The following IL1RAPL1 variants were observed in gnomAD, a reference collection of about 807,000 sequenced individuals.
The protein encoded by IL1RAPL1 is interleukin-1 receptor accessory protein-like 1.
In IL1RAPL1, 3 loss-of-function variants were observed where a neutral mutation model predicts 48.4. The ratio of observed to expected loss-of-function variants is 0.06; its 90% CI spans 0.03 to 0.16. IL1RAPL1 has a LOEUF of 0.16. Ranked by LOEUF, IL1RAPL1 falls within the 10% of genes least tolerant of loss-of-function variation. The pLI, the probability that IL1RAPL1 is intolerant of heterozygous loss-of-function variation, is 1.00. For synonymous variants in IL1RAPL1, 185 were observed against 187.7 expected, an observed-to-expected ratio of 0.99 and a Z score of 0.12; for missense variants, 349 against 530.6, an observed-to-expected ratio of 0.66 and a Z score of 3.36.
At chrX:29,063,290 C>T (rs1393610363) in intron 2 of IL1RAPL1, among the ~76,000 whole-genome samples, 1 of 111,504 alleles carries the variant, frequency 9.0e-6, no homozygotes, top group Non-Finnish European at 1.9e-5. Flanking sequence ...GAAGATTCAT[C>T]TACCTATTAG....
At chrX:29,269,459 C>G (rs1182813272) in intron 2 of IL1RAPL1, among the ~76,000 whole-genome samples, 3 of 111,044 alleles carry the variant, frequency 2.7e-5, no homozygotes, top group African/African-American at 6.5e-5. Flanking sequence ...AAGCTGCACT[C>G]TCAAAGATAG....
chrX:29,633,468 TACACAC>T (rs200222696), intron 5 of IL1RAPL1, among the ~76,000 whole-genome samples: 78 of 97,747 alleles, frequency 8.0e-4, no homozygotes, highest in Admixed American at 2.6e-3. Context: ...GATATATATA[TACACAC>T]ACACACACAC....
chrX:29,037,465 A>T (rs1926753703), intron 2 of IL1RAPL1, among the ~76,000 whole-genome samples: 1 of 111,547 alleles, frequency 9.0e-6, no homozygotes, highest in African/African-American at 3.3e-5. Context: ...CCATACTAAA[A>T]ATGGAATTAT....
chrX:29,624,694 A>C (rs559050815), intron 5 of IL1RAPL1, among the ~76,000 whole-genome samples: 2 of 109,723 alleles, frequency 1.8e-5, no homozygotes, highest in African/African-American at 3.3e-5. Context: ...AAAAAAAAAA[A>C]ATTAGCTGGG....
rs994938070 is a variant in IL1RAPL1, at chrX:29,509,783, G to A, written c.703+110475G>A. ...ATTTGAATGCATGTATTAATATTGC[G>A]GAGATTGACCAGCGTTTTCATTAAT... is the stretch of plus-strand genomic sequence containing the variant. On this transcript the variant is annotated intron_variant, in intron 5 of 10. Transcript: ENST00000378993. 3.6e-5 allele frequency among the ~76,000 whole-genome samples: 4 copies of A among 112,109 alleles called. No individual in the cohort carries two copies. The South Asian group carries it at 1.1e-3, about 31-fold the overall frequency.
At chrX:28,728,615 C>T (rs1601876825) in intron 1 of IL1RAPL1, among the ~76,000 whole-genome samples, 2 of 111,958 alleles carry the variant, frequency 1.8e-5, no homozygotes, top group East Asian at 2.8e-4. Context: ...CCTCAAAGCA[C>T]ATAAAGGAGA....
chrX:29,030,755 T>G (rs1366883422), intron 2 of IL1RAPL1, among the ~76,000 whole-genome samples: 1 of 111,179 alleles, frequency 9.0e-6, no homozygotes, highest in Non-Finnish European at 1.9e-5. Context: ...AATACTCCTA[T>G]TTGAAGAGTG....
At chrX:29,721,463 G>A (rs929521643) in intron 6 of IL1RAPL1, among the ~76,000 whole-genome samples, 14 of 110,869 alleles carry the variant, frequency 1.3e-4, no homozygotes, top group Admixed American at 1.2e-3. Context: ...AATCATTGTT[G>A]AGTATTTTCT....
At chrX:28,956,123 C>G (rs981773201) in intron 2 of IL1RAPL1, among the ~76,000 whole-genome samples, 1 of 107,785 alleles carries the variant, frequency 9.3e-6, no homozygotes, top group African/African-American at 3.4e-5. Flanking sequence ...TATCCTGAGA[C>G]TTTGCTGAAG....
chrX:29,920,230 G>A, intron 8 of IL1RAPL1, 136 bp downstream of exon 8: 8 of 768,163 alleles, frequency 1.0e-5, no homozygotes, highest in Non-Finnish European at 1.5e-5. Flanking sequence ...ATTTGCATTA[G>A]AGCCACCGAG....
intron 1 of IL1RAPL1, among the ~76,000 whole-genome samples, chrX:28,602,210 C>A (rs192855820): frequency 9.0e-6 from 1 of 111,030 alleles, no homozygotes; most frequent in Non-Finnish European, 1.9e-5. Context: ...TGTGTATGGA[C>A]CTATATATTT....
chrX:29,500,529 A>G (rs189181717), intron 5 of IL1RAPL1, among the ~76,000 whole-genome samples: 1 of 111,540 alleles, frequency 9.0e-6, no homozygotes, highest in Admixed American at 9.6e-5. Flanking sequence ...TGTGATATTT[A>G]TCTTTCTGTG....
intron 2 of IL1RAPL1, among the ~76,000 whole-genome samples, chrX:28,985,699 G>A (rs1458022982): frequency 1.2e-4 from 11 of 90,585 alleles, no homozygotes; most frequent in African/African-American, 4.4e-4. Context: ...TCGCTCTGTC[G>A]CCCAGGCTGG....
intron 3 of IL1RAPL1, among the ~76,000 whole-genome samples, chrX:29,343,898 C>G (rs188700168): frequency 2.7e-4 from 30 of 111,744 alleles, no homozygotes; most frequent in African/African-American, 8.8e-4. Context: ...CACATACACA[C>G]ACACCACACA....
At chrX:28,971,888 G>GTGTGTGTGTA (rs1555948239) in intron 2 of IL1RAPL1, among the ~76,000 whole-genome samples, 202 of 105,763 alleles carry the variant, frequency 1.9e-3, no homozygotes, top group African/African-American at 6.8e-3. Context: ...GTGTGTGTGT[G>GTGTGTGTGTA]TGTGTGTGTG....
At chrX:28,805,908 A>G (rs778337635) in intron 2 of IL1RAPL1, among the ~76,000 whole-genome samples, 136 of 110,226 alleles carry the variant, frequency 1.2e-3, no homozygotes, top group African/African-American at 4.4e-3. Context: ...TAAAAGAGTC[A>G]TTGCATAATC....
intron 2 of IL1RAPL1, among the ~76,000 whole-genome samples, chrX:29,255,130 T>TGTGTGTGTGTGTGC (rs1327515483): frequency 1.0e-5 from 1 of 98,932 alleles, no homozygotes; most frequent in Non-Finnish European, 2.0e-5. Context: ...TATTTGTGTG[T>TGTGTGTGTGTGTGC]GTGTGTGTGT....
intron 1 of IL1RAPL1, among the ~76,000 whole-genome samples, chrX:28,760,062 G>A (rs1310903520): frequency 1.8e-5 from 2 of 111,339 alleles, no homozygotes; most frequent in Non-Finnish European, 3.8e-5. Context: ...TAAATACTTC[G>A]TTCCCTTTGT....
chrX:29,934,607 C>T (rs1012936601), intron 8 of IL1RAPL1, among the ~76,000 whole-genome samples: 7 of 111,550 alleles, frequency 6.3e-5, no homozygotes, highest in African/African-American at 2.3e-4. Flanking sequence ...TCTTCTCCAC[C>T]TAGATTTACC....
Sources: allele counts gnomAD v4.1 joint callset (sites outside exome capture counted in the v4.1 genomes callset), GRCh38; gene constraint gnomAD v4.1.1; transcripts MANE v1.5; gene names NCBI Gene and HGNC (gene_info 2026-07-23, HGNC 2026-07-21).